Variants in NKAIN2 observed in about 807,000 individuals in gnomAD.
NKAIN2 encodes the protein sodium/potassium-transporting ATPase subunit beta-1-interacting protein 2.
In NKAIN2, 14 loss-of-function variants were observed where a neutral mutation model predicts 32.6. That is an observed-to-expected ratio of 0.43 (90% CI 0.28 to 0.67). NKAIN2 has a LOEUF of 0.67. NKAIN2 is among the 30% of genes least tolerant of loss of function. NKAIN2 has a pLI of 0.17. For missense variants in NKAIN2, 198 were observed against 258.3 expected, an observed-to-expected ratio of 0.77 and a Z score of 1.60; for synonymous variants, 80 against 87.2, an observed-to-expected ratio of 0.92 and a Z score of 0.46.
At chr6:124,613,079 C>T (rs1469397060) in intron 3 of NKAIN2, among the ~76,000 whole-genome samples, 3 of 152,020 alleles carry the variant, frequency 2.0e-5, no homozygotes, top group African/African-American at 7.2e-5. Flanking sequence ...AAAGCATGAA[C>T]GTGTTGAACA....
Position 124,695,129 on chromosome 6 carries a change from TTAAC to T in NKAIN2, c.474+36746_474+36749del, listed in dbSNP as rs1044566360. Among the ~76,000 whole-genome samples the T allele has an allele frequency of 2.6e-5, 4 of 152,020 alleles. No homozygotes were observed. The East Asian group carries it at 5.8e-4, about 22-fold the overall frequency. ...CTTCTTTTAATGTCTTCATTTGTCT[TTAAC>T]TAGGTAAACAGGATTTACTGCTACT... On this transcript the variant is annotated intron_variant, in intron 4 of 6. Transcript: ENST00000368417.
At chr6:124,745,856 A>C (rs1777428644) in intron 4 of NKAIN2, among the ~76,000 whole-genome samples, 1 of 151,918 alleles carries the variant, frequency 6.6e-6, no homozygotes, top group Admixed American at 6.6e-5. Flanking sequence ...TAAATATGTT[A>C]TTAAGTTGTT....
Position 124,517,020 on chromosome 6 carries a change from G to A in NKAIN2, c.274-141166G>A, listed in dbSNP as rs143934268. Among the ~76,000 whole-genome samples, 42 of 152,202 alleles carry A rather than the reference G, an allele frequency of 2.8e-4. 1 individual carries two copies. In the East Asian group the frequency reaches 8.1e-3, roughly 29 times the overall value. ...GGGCATATAGGATACTATTTGAATTGGAGTAACTTTCTGTATACTCTAAAG... is the reference window on the plus strand; with the variant it reads ...GGGCATATAGGATACTATTTGAATTAGAGTAACTTTCTGTATACTCTAAAG... On this transcript the variant is annotated intron_variant, in intron 3 of 6. Transcript: ENST00000368417.
intron 1 of NKAIN2, among the ~76,000 whole-genome samples, chr6:123,956,812 G>T (rs1413922240): frequency 1.3e-5 from 2 of 152,182 alleles, no homozygotes; most frequent in Non-Finnish European, 2.9e-5. Context: ...AGCATTTGTT[G>T]CAAGAGCTCA....
chr6:124,261,495 T>C (rs1398348642), intron 1 of NKAIN2, among the ~76,000 whole-genome samples: 1 of 152,170 alleles, frequency 6.6e-6, no homozygotes, highest in Non-Finnish European at 1.5e-5. Flanking sequence ...GTGACTGTCA[T>C]AGTCATTGAG....
chr6:124,817,639 G>T (rs1781225423), intron 5 of NKAIN2, among the ~76,000 whole-genome samples: 1 of 152,130 alleles, frequency 6.6e-6, no homozygotes, highest in South Asian at 2.1e-4. Flanking sequence ...TGTTCAAGAG[G>T]AAGAGACATA....
Position 124,401,420 on chromosome 6 carries a change from C to T in NKAIN2, c.273+46073C>T, listed in dbSNP as rs761219786. On this transcript the variant is annotated intron_variant, in intron 3 of 6. Coordinates refer to ENST00000368417, the MANE Select transcript of NKAIN2 (RefSeq NM_001040214.3). ...TTAAAAGTAAGATTGTTTTGGAACA[C>T]AGCTGTGTCCCTTCATTTACCCATT... Among the ~76,000 whole-genome samples, 64 of 152,180 alleles carry T rather than the reference C, an allele frequency of 4.2e-4. 2 individuals carry two copies. The highest frequency in any genetic ancestry group is 1.5e-4 in the Non-Finnish European group (10 of 68,034).
intron 4 of NKAIN2, among the ~76,000 whole-genome samples, chr6:124,679,234 C>T (rs1280946565): frequency 6.6e-6 from 1 of 152,130 alleles, no homozygotes; most frequent in East Asian, 1.9e-4. Context: ...TTCTCTTGCC[C>T]ATTCTACCCT....
chr6:123,813,853 A>AT (rs1255906192), intron 1 of NKAIN2, among the ~76,000 whole-genome samples: 2 of 141,718 alleles, frequency 1.4e-5, no homozygotes, highest in Non-Finnish European at 3.0e-5. Flanking sequence ...AGAGCTCTGG[A>AT]CCTTTTTTTT....
chr6:124,465,440 C>T (rs1776706886), intron 3 of NKAIN2, among the ~76,000 whole-genome samples: 1 of 151,922 alleles, frequency 6.6e-6, no homozygotes, highest in South Asian at 2.1e-4. Flanking sequence ...AATGAGAACA[C>T]ATGGACAAGG....
At chr6:124,189,450 C>T (rs1263751040) in intron 1 of NKAIN2, among the ~76,000 whole-genome samples, 1 of 152,206 alleles carries the variant, frequency 6.6e-6, no homozygotes, top group Admixed American at 6.5e-5. Context: ...CCTGTAATCC[C>T]AGCACTTTGG....
chr6:124,652,465 C>G (rs927185965), intron 3 of NKAIN2, among the ~76,000 whole-genome samples: 1 of 152,192 alleles, frequency 6.6e-6, no homozygotes, highest in African/African-American at 2.4e-5. Flanking sequence ...TACTCATTAC[C>G]TAGCTCTCAA....
At chr6:124,671,922 T>G (rs919268558) in intron 4 of NKAIN2, among the ~76,000 whole-genome samples, 4 of 151,980 alleles carry the variant, frequency 2.6e-5, no homozygotes, top group African/African-American at 7.2e-5. Context: ...TCATTCTAAG[T>G]ACAGAATGGG....
intron 1 of NKAIN2, among the ~76,000 whole-genome samples, chr6:123,898,265 C>G (rs1285350281): frequency 1.3e-5 from 2 of 152,154 alleles, no homozygotes; most frequent in Non-Finnish European, 2.9e-5. Context: ...TCCACATGAG[C>G]TGCCATCACA....
intron 3 of NKAIN2, among the ~76,000 whole-genome samples, chr6:124,417,311 G>A (rs1774534850): frequency 6.6e-6 from 1 of 152,052 alleles, no homozygotes; most frequent in Non-Finnish European, 1.5e-5. Context: ...ATTTCAGAAT[G>A]AAAAAATACA....
At chr6:124,328,972 C>T (rs1265720944) in intron 2 of NKAIN2, among the ~76,000 whole-genome samples, 4 of 152,226 alleles carry the variant, frequency 2.6e-5, no homozygotes, top group Non-Finnish European at 5.9e-5. Flanking sequence ...AACAACCCCT[C>T]CACATTAGTG....
At chr6:124,496,649 A>G (rs1047139252) in intron 3 of NKAIN2, among the ~76,000 whole-genome samples, 2 of 152,082 alleles carry the variant, frequency 1.3e-5, no homozygotes, top group African/African-American at 4.8e-5. Context: ...TGGAATTTTG[A>G]GGTGAGGTGT....
At chr6:124,768,738 A>T (rs1052307908) in intron 4 of NKAIN2, among the ~76,000 whole-genome samples, 5 of 152,164 alleles carry the variant, frequency 3.3e-5, no homozygotes, top group Non-Finnish European at 5.9e-5. Flanking sequence ...GGGGGAAAAA[A>T]AAACAAAACT....
At chr6:124,471,823 A>G (rs1776986875) in intron 3 of NKAIN2, among the ~76,000 whole-genome samples, 1 of 152,170 alleles carries the variant, frequency 6.6e-6, no homozygotes, top group South Asian at 2.1e-4. Context: ...TATGCCATTA[A>G]TTGTATAAGT....
Sources: allele counts gnomAD v4.1 joint callset (sites outside exome capture counted in the v4.1 genomes callset), GRCh38; gene constraint gnomAD v4.1.1; transcripts MANE v1.5; gene names NCBI Gene and HGNC (gene_info 2026-07-23, HGNC 2026-07-21).